The following TBC1D2 variants were observed in gnomAD, a reference collection of about 807,000 sequenced individuals.
TBC1D2 encodes the protein TBC1 domain family member 2.
In TBC1D2, 58 loss-of-function variants were observed where a neutral mutation model predicts 91.1. The ratio of observed to expected loss-of-function variants is 0.64; its 90% CI spans 0.52 to 0.79. The LOEUF (loss-of-function observed/expected upper bound fraction) is 0.79. Among genes scored for constraint, TBC1D2 ranks in the 30% least tolerant of loss-of-function variants. The pLI, the probability that TBC1D2 is intolerant of heterozygous loss-of-function variation, is 0.00. For missense variants in TBC1D2, 1,080 were observed against 1,208.3 expected (o/e 0.89, Z 1.57); for synonymous variants, 482 against 511.5 (o/e 0.94, Z 0.78).
chr9:98,232,887 G>C (rs151022071), intron 4 of TBC1D2, among the ~76,000 whole-genome samples: 1 of 152,080 alleles, frequency 6.6e-6, no homozygotes, highest in Non-Finnish European at 1.5e-5. Context: ...GTGCAATCTC[G>C]ACTCACTACA....
chr9:98,206,539 G>A (rs1355320692), intron 9 of TBC1D2, among the ~76,000 whole-genome samples: 1 of 152,100 alleles, frequency 6.6e-6, no homozygotes, highest in Non-Finnish European at 1.5e-5. Flanking sequence ...AGCACAGGTT[G>A]AACTCCAAAA....
At chr9:98,220,809 C>A in intron 6 of TBC1D2, 24 bp downstream of exon 6, 4 of 1,608,642 alleles carry the variant, frequency 2.5e-6, no homozygotes, top group South Asian at 1.1e-5. Context: ...GCAGGACTGG[C>A]AGGCCCTGAG....
intron 3 of TBC1D2, among the ~76,000 whole-genome samples, chr9:98,241,576 A>C (rs1829637963): frequency 6.6e-6 from 1 of 152,168 alleles, no homozygotes; most frequent in Non-Finnish European, 1.5e-5. Context: ...TGACCCTCTG[A>C]AGCTTCCTTC....
intron 5 of TBC1D2, among the ~76,000 whole-genome samples, chr9:98,224,642 G>A (rs1427075833): frequency 1.3e-5 from 2 of 152,104 alleles, no homozygotes; most frequent in African/African-American, 4.8e-5. Context: ...ATTTTGATAC[G>A]TGGTCATAAG....
intron 9 of TBC1D2, among the ~76,000 whole-genome samples, chr9:98,208,160 G>A (rs1217964963): frequency 1.3e-5 from 2 of 152,106 alleles, no homozygotes; most frequent in Non-Finnish European, 2.9e-5. Flanking sequence ...CAGGGACGAG[G>A]GGCCTGGAGC....
chr9:98,203,747 T>A (rs940982928), intron 9 of TBC1D2, among the ~76,000 whole-genome samples: 1 of 152,146 alleles, frequency 6.6e-6, no homozygotes, highest in Non-Finnish European at 1.5e-5. Context: ...ATCACAGGAC[T>A]ATTTTGAGGA....
rs147399718 is a variant in TBC1D2, at chr9:98,218,823, C to T, written c.1374+2010G>A. On this transcript the variant is annotated intron_variant, in intron 6 of 12. Coordinates refer to ENST00000465784, the MANE Select transcript of TBC1D2 (RefSeq NM_001267571.2). ...CTCCCACCTCGGCCTCCAGAGTAGA[C>T]GGGAACACAGGCGTGCGCCACCACA... Among the ~76,000 whole-genome samples the T allele has an allele frequency of 1.0e-3, 159 of 152,232 alleles. 1 individual carries two copies. The East Asian group carries it at 0.023, about 22-fold the overall frequency.
rs1828458387 is a variant in TBC1D2 at position 98,200,391 on chromosome 9, G to C, written c.2458-17C>G. Reference sequence around the variant, plus strand: ...AAACACCACCTGGGGGTAGAGTGGGGGCTCAGGTAGGGCATGGGGGGGCCA... The same window carrying C: ...AAACACCACCTGGGGGTAGAGTGGGCGCTCAGGTAGGGCATGGGGGGGCCA... On this transcript the variant is annotated splice_polypyrimidine_tract_variant and intron_variant, in intron 11 of 12. Coordinates refer to ENST00000465784, the MANE Select transcript of TBC1D2 (RefSeq NM_001267571.2). 1.3e-6 allele frequency: 2 copies of C among 1,585,108 alleles called. No individual in the cohort carries two copies. Among genetic ancestry groups the C allele is most frequent in the African/African-American group, 2.7e-5 (2 of 74,652 alleles).
intron 2 of TBC1D2, among the ~76,000 whole-genome samples, chr9:98,250,847 T>C (rs949468879): frequency 1.3e-5 from 2 of 152,126 alleles, no homozygotes; most frequent in African/African-American, 2.4e-5. Context: ...CTGCCAATCA[T>C]GTTCCTGGCT....
chr9:98,199,633 G>A, intron 12 of TBC1D2, 45 bp from the exon 13 acceptor site: 2 of 1,604,668 alleles, frequency 1.2e-6, no homozygotes. Context: ...ACCCCACCTG[G>A]CCGGCGTTTA....
intron 9 of TBC1D2, 33 bp downstream of exon 9, chr9:98,208,635 A>G (rs1195456310): frequency 6.6e-7 from 1 of 1,509,248 alleles, no homozygotes; most frequent in Non-Finnish European, 8.9e-7. Flanking sequence ...CAAAAGGTAA[A>G]GATCACACCT....
At chr9:98,254,121 C>T (rs1588071336) in intron 1 of TBC1D2, among the ~76,000 whole-genome samples, 1 of 152,084 alleles carries the variant, frequency 6.6e-6, no homozygotes, top group Non-Finnish European at 1.5e-5. Flanking sequence ...GAACTGAACA[C>T]GTGGGCATCC....
intron 1 of TBC1D2, 122 bp from the exon 2 acceptor site, chr9:98,252,048 G>T (rs1412358021): frequency 9.4e-6 from 12 of 1,276,220 alleles, no homozygotes; most frequent in Non-Finnish European, 1.3e-5. Context: ...AAAAAAGGGG[G>T]TCACTGTAGG....
intron 2 of TBC1D2, among the ~76,000 whole-genome samples, chr9:98,244,735 T>C (rs187208180): frequency 6.7e-6 from 1 of 148,900 alleles, no homozygotes; most frequent in South Asian, 2.1e-4. Context: ...AAGATGGAAG[T>C]GCAGACAAAA....
Position 98,210,168 on chromosome 9 carries a change from G to A in TBC1D2, c.1673+488C>T, listed in dbSNP as rs546519251. 3.3e-5 allele frequency among the ~76,000 whole-genome samples: 5 copies of A among 152,282 alleles called. No homozygotes were observed. In the South Asian group the frequency reaches 8.3e-4, roughly 25 times the overall value. On this transcript the variant is annotated intron_variant, in intron 8 of 12. Transcript: ENST00000465784. ...GGAGGCTGAGTACGAGGCTCAGAAAGGTAAAGGGAATTGTCACACGGTGAG... is the reference window on the plus strand; with the variant it reads ...GGAGGCTGAGTACGAGGCTCAGAAAAGTAAAGGGAATTGTCACACGGTGAG...
intron 6 of TBC1D2, among the ~76,000 whole-genome samples, chr9:98,217,455 C>A (rs1828998060): frequency 6.6e-6 from 1 of 152,240 alleles, no homozygotes; most frequent in South Asian, 2.1e-4. Context: ...CCCAGCTCAG[C>A]TGTCCCTGCC....
intron 5 of TBC1D2, among the ~76,000 whole-genome samples, chr9:98,224,410 G>A: frequency 6.7e-6 from 1 of 149,562 alleles, no homozygotes; most frequent in South Asian, 2.1e-4. Context: ...AGTCTCCCTT[G>A]TAGCTGGGAC....
intron 9 of TBC1D2, among the ~76,000 whole-genome samples, chr9:98,208,250 G>T (rs569688443): frequency 2.0e-4 from 30 of 152,174 alleles, no homozygotes; most frequent in Admixed American, 1.8e-3. Flanking sequence ...ATGTCTTCAG[G>T]TTCTTGGGAG....
At chr9:98,247,511 G>C (rs544249435) in intron 2 of TBC1D2, among the ~76,000 whole-genome samples, 3 of 152,102 alleles carry the variant, frequency 2.0e-5, no homozygotes, top group African/African-American at 7.2e-5. Context: ...GGTGGAGCAC[G>C]AGGTCAGGAG....
Sources: gnomAD v4.1 joint callset for allele counts (sites outside exome capture counted in the v4.1 genomes callset) on GRCh38, gnomAD v4.1.1 for gene constraint, MANE v1.5 for transcripts, NCBI Gene and HGNC (gene_info 2026-07-23, HGNC 2026-07-21) for gene names.